CNDP1: variants seen among roughly 807,000 people sequenced by gnomAD.
CNDP1 encodes the protein beta-Ala-His dipeptidase.
In CNDP1, 44 loss-of-function variants were observed where a neutral mutation model predicts 58.1. The ratio of observed to expected loss-of-function variants is 0.76; its 90% CI spans 0.60 to 0.97. The LOEUF (loss-of-function observed/expected upper bound fraction) is 0.97, where lower values mean the gene tolerates loss of function less well. Among genes scored for constraint, CNDP1 ranks in the 50% least tolerant of loss-of-function variants. CNDP1 has a pLI of 0.00. For synonymous variants in CNDP1, 254 were observed against 252.6 expected (o/e 1.01, Z -0.05); for missense variants, 616 against 655.1 (o/e 0.94, Z 0.65).
intron 8 of CNDP1, chr18:74,577,315 C>T (rs1476615049): frequency 2.5e-5 from 6 of 239,966 alleles, no homozygotes; most frequent in East Asian, 7.9e-5. Flanking sequence ...CTAAATCCCA[C>T]GTCAGCCTTC....
chr18:74,583,592 T>A lies in CNDP1; in HGVS notation c.1341T>A (p.Asp447Glu), dbSNP rs773186019. 1 of 1,614,212 alleles carries A rather than the reference T, an allele frequency of 6.2e-7. No homozygotes were observed. The highest frequency in any genetic ancestry group is 1.1e-5 in the South Asian group (1 of 91,088). The change falls in exon 11 of 12, where the codon GAT becomes GAA. Residue 447 changes from aspartate (D) to glutamate (E), a missense_variant. Asp to Glu is a conservative substitution (Grantham distance 45, BLOSUM62 2). Coordinates refer to ENST00000358821, the MANE Select transcript of CNDP1 (RefSeq NM_032649.6). ...VFGTEPDMIR[D>E]GSTIPIAKMF... is the part of the protein sequence containing the mutation. ...GAACAGAACCAGATATGATCCGGGATGGATCCACCATTCCAATTGCCAAAA... is the reference window on the plus strand; with the variant it reads ...GAACAGAACCAGATATGATCCGGGAAGGATCCACCATTCCAATTGCCAAAA...
At chr18:74,573,380 A>C (rs1205723004) in intron 7 of CNDP1, among the ~76,000 whole-genome samples, 3 of 83,776 alleles carry the variant, frequency 3.6e-5, no homozygotes, top group Non-Finnish European at 7.1e-5. Context: ...TCATCTTTCT[A>C]TCCATTCATC....
At chr18:74,536,512 T>C (rs1315287587) in intron 1 of CNDP1, among the ~76,000 whole-genome samples, 3 of 152,232 alleles carry the variant, frequency 2.0e-5, no homozygotes, top group African/African-American at 7.2e-5. Flanking sequence ...ATGGTGTAGA[T>C]GTACCACATT....
chr18:74,556,342 C>A lies in CNDP1; in HGVS notation c.29C>A (p.Ala10Glu). The change falls in exon 2 of 12, where the codon GCG becomes GAG. Residue 10 changes from alanine to glutamate, a missense_variant. Ala to Glu is a moderately radical substitution (Grantham distance 107). Coordinates refer to ENST00000358821, the MANE Select transcript of CNDP1 (RefSeq NM_032649.6). ...TCCCATGTCAAACCCTTCCAGGCTG[C>A]GTCCCTGCTGGCTGTGCTGCTGCTG... is the stretch of plus-strand genomic sequence containing the variant. Reference protein sequence around the residue: MDPKLGRMAASLLAVLLLLL... With the variant: MDPKLGRMAESLLAVLLLLL... The A allele has an allele frequency of 1.2e-6, 2 of 1,603,282 alleles. No individual in the cohort carries two copies. Among genetic ancestry groups the A allele is most frequent in the Non-Finnish European group, 1.7e-6 (2 of 1,177,294 alleles).
At chr18:74,570,131 G>A (rs750328819) in intron 6 of CNDP1, among the ~76,000 whole-genome samples, 18 of 150,492 alleles carry the variant, frequency 1.2e-4, no homozygotes, top group East Asian at 3.9e-4. Context: ...GCTGGGAGGC[G>A]GAGATTGCAG....
chr18:74,582,243 G>A (rs1280510862), intron 10 of CNDP1, among the ~76,000 whole-genome samples: 1 of 152,184 alleles, frequency 6.6e-6, no homozygotes, highest in Non-Finnish European at 1.5e-5. Flanking sequence ...TTCTGCGAAC[G>A]AGGCACATCA....
At chr18:74,575,933 G>A (rs966016451) in intron 7 of CNDP1, among the ~76,000 whole-genome samples, 3 of 145,648 alleles carry the variant, frequency 2.1e-5, no homozygotes, top group African/African-American at 7.6e-5. Flanking sequence ...AGAGTGGCGT[G>A]ATCTGGGCTC....
At chr18:74,550,643 C>A (rs1273041144) in intron 1 of CNDP1, among the ~76,000 whole-genome samples, 1 of 146,928 alleles carries the variant, frequency 6.8e-6, no homozygotes, top group Non-Finnish European at 1.5e-5. Flanking sequence ...GTGGTGTGAT[C>A]TCGGCTCACT....
intron 1 of CNDP1, among the ~76,000 whole-genome samples, chr18:74,555,419 G>A (rs1388071207): frequency 2.6e-5 from 4 of 152,124 alleles, no homozygotes; most frequent in East Asian, 1.9e-4. Context: ...CTGATGGCTC[G>A]GGCTGCACTG....
chr18:74,578,401 G>A (rs1981689602), intron 9 of CNDP1, 74 bp downstream of exon 9: 4 of 1,399,802 alleles, frequency 2.9e-6, no homozygotes, highest in Non-Finnish European at 3.9e-6. Flanking sequence ...ACGGCTTAGT[G>A]AGCAGTGAGG....
At chr18:74,560,027 T>TTTTTG (rs1599093767) in intron 3 of CNDP1, among the ~76,000 whole-genome samples, 1 of 150,388 alleles carries the variant, frequency 6.6e-6, no homozygotes, top group Admixed American at 6.6e-5. Context: ...TTTTTTTTTT[T>TTTTTG]GAGACAGAGT....
Position 74,583,672 on chromosome 18 carries a change from A to T in CNDP1, c.1421A>T (p.Asp474Val). ...SVVLIPLGAV[D>V]DGEHSQNEKI... ...GTGCTAATTCCGCTGGGAGCTGTTG[A>T]TGATGGAGAACATTCGCAGAATGAG... The change falls in exon 11 of 12, where the codon GAT (aspartate) becomes GTT (valine). Residue 474 changes from aspartate to valine, a missense_variant. Coordinates refer to ENST00000358821, the MANE Select transcript of CNDP1 (RefSeq NM_032649.6). 2.5e-6 allele frequency: 4 copies of T among 1,614,196 alleles called. No homozygotes were observed. Among genetic ancestry groups the T allele is most frequent in the Non-Finnish European group, 3.4e-6 (4 of 1,180,028 alleles).
chr18:74,577,590 G>A (rs1477012193), intron 8 of CNDP1: 1 of 152,568 alleles, frequency 6.6e-6, no homozygotes, highest in African/African-American at 2.4e-5. Context: ...TGGTAGCTAG[G>A]GCTGGTTCCT....
intron 1 of CNDP1, among the ~76,000 whole-genome samples, chr18:74,553,896 C>A (rs187656793): frequency 6.6e-6 from 1 of 152,316 alleles, no homozygotes; most frequent in East Asian, 1.9e-4. Flanking sequence ...ACATGGTCTG[C>A]GTTTCATGGC....
At chr18:74,558,112 A>G (rs1014905790) in intron 2 of CNDP1, among the ~76,000 whole-genome samples, 5 of 152,246 alleles carry the variant, frequency 3.3e-5, no homozygotes, top group Admixed American at 6.5e-5. Flanking sequence ...AAATGCCTTC[A>G]TAATAAAAAT....
chr18:74,584,105 GAA>G, intron 11 of CNDP1: 1 of 250,044 alleles, frequency 4.0e-6, no homozygotes, highest in Non-Finnish European at 7.4e-6. Flanking sequence ...GGACTTTGAG[GAA>G]ACACAAATAT....
chr18:74,546,827 C>A (rs1980772522), intron 1 of CNDP1, among the ~76,000 whole-genome samples: 1 of 152,224 alleles, frequency 6.6e-6, no homozygotes, highest in African/African-American at 2.4e-5. Context: ...GTATTTCCAG[C>A]CATTTCACGT....
intron 3 of CNDP1, among the ~76,000 whole-genome samples, chr18:74,560,010 CTT>C (rs398033526): frequency 1.6e-5 from 2 of 121,322 alleles, no homozygotes; most frequent in Non-Finnish European, 1.6e-5. Flanking sequence ...CATCTGCATT[CTT>C]TTTTTTTTTT....
At chr18:74,561,076 T>C in intron 4 of CNDP1, 58 bp downstream of exon 4, 1 of 1,576,898 alleles carries the variant, frequency 6.3e-7, no homozygotes, top group Non-Finnish European at 8.7e-7. Flanking sequence ...ATTGAAGGGG[T>C]GAAGATGAGG....
Sources: gnomAD v4.1 joint callset for allele counts (sites outside exome capture counted in the v4.1 genomes callset) on GRCh38, gnomAD v4.1.1 for gene constraint, MANE v1.5 for transcripts, NCBI Gene and HGNC (gene_info 2026-07-23, HGNC 2026-07-21) for gene names.